Variants in CAMK1D observed in about 807,000 individuals in gnomAD.
CAMK1D encodes calcium/calmodulin-dependent protein kinase type 1D.
Under a neutral mutation model 47.7 loss-of-function variants are expected in CAMK1D, and 9 were observed. That is an observed-to-expected ratio of 0.19 (90% CI 0.11 to 0.33). The LOEUF (loss-of-function observed/expected upper bound fraction) is 0.33, where lower values mean the gene tolerates loss of function less well. CAMK1D is among the 10% of genes least tolerant of loss of function. The probability of loss-of-function intolerance (pLI) is 1.00; values close to 1 mark genes in which losing one functional copy is unlikely to be tolerated. For missense variants in CAMK1D, 291 were observed against 488.7 expected (o/e 0.60, Z 3.81); for synonymous variants, 184 against 184.9 (o/e 0.99, Z 0.04).
At chr10:12,447,109 C>CT (rs1462861992) in intron 1 of CAMK1D, among the ~76,000 whole-genome samples, 2 of 151,992 alleles carry the variant, frequency 1.3e-5, no homozygotes, top group East Asian at 1.9e-4. Flanking sequence ...CTCTCTCTGT[C>CT]TTTTTTTACT....
intron 2 of CAMK1D, among the ~76,000 whole-genome samples, chr10:12,578,214 AC>A (rs1178664075): frequency 3.3e-5 from 5 of 152,030 alleles, no homozygotes; most frequent in Non-Finnish European, 5.9e-5. Context: ...AGCTGGGACT[AC>A]AGGCATGCAC....
At chr10:12,382,955 T>G (rs1838385402) in intron 1 of CAMK1D, among the ~76,000 whole-genome samples, 1 of 151,250 alleles carries the variant, frequency 6.6e-6, no homozygotes, top group South Asian at 2.1e-4. Flanking sequence ...TTTTTTTTTG[T>G]AGTTGGCACA....
chr10:12,439,263 C>T (rs904011997), intron 1 of CAMK1D, among the ~76,000 whole-genome samples: 2 of 152,208 alleles, frequency 1.3e-5, no homozygotes, highest in African/African-American at 4.8e-5. Flanking sequence ...CTGCATACGT[C>T]TCAGAGCCCT....
At chr10:12,790,952 T>C (rs1837951309) in intron 5 of CAMK1D, among the ~76,000 whole-genome samples, 1 of 152,096 alleles carries the variant, frequency 6.6e-6, no homozygotes, top group South Asian at 2.1e-4. Context: ...GCCATGATTG[T>C]GCCACTGTAC....
chr10:12,402,611 A>G (rs143502501), intron 1 of CAMK1D, among the ~76,000 whole-genome samples: 2 of 152,284 alleles, frequency 1.3e-5, no homozygotes, highest in East Asian at 3.9e-4. Context: ...GCTGTCGTTA[A>G]AAAGTCTTAA....
intron 1 of CAMK1D, among the ~76,000 whole-genome samples, chr10:12,489,808 G>A (rs537449339): frequency 1.3e-5 from 2 of 152,298 alleles, no homozygotes; most frequent in East Asian, 3.9e-4. Flanking sequence ...TTTGCCTGAG[G>A]TGGACTCTCT....
intron 1 of CAMK1D, among the ~76,000 whole-genome samples, chr10:12,359,083 C>T (rs1837589798): frequency 6.6e-6 from 1 of 152,156 alleles, no homozygotes; most frequent in African/African-American, 2.4e-5. Context: ...AGAACATAGG[C>T]TCGGAGGTTA....
At chr10:12,600,071 C>A (rs1838256581) in intron 2 of CAMK1D, among the ~76,000 whole-genome samples, 1 of 152,146 alleles carries the variant, frequency 6.6e-6, no homozygotes, top group South Asian at 2.1e-4. Context: ...TGCCACTGCA[C>A]TCCAGCCTTG....
chr10:12,706,034 A>AG (rs1833716307), intron 3 of CAMK1D, among the ~76,000 whole-genome samples: 1 of 152,190 alleles, frequency 6.6e-6, no homozygotes, highest in South Asian at 2.1e-4. Flanking sequence ...GCTTTATCTG[A>AG]GGGGGGTGTG....
At chr10:12,585,912 C>G (rs1837803264) in intron 2 of CAMK1D, among the ~76,000 whole-genome samples, 1 of 152,212 alleles carries the variant, frequency 6.6e-6, no homozygotes, top group Non-Finnish European at 1.5e-5. Flanking sequence ...CGTTCCTCTT[C>G]TCATTGGCTG....
chr10:12,741,011 A>T (rs1427871811), intron 3 of CAMK1D, among the ~76,000 whole-genome samples: 1 of 152,122 alleles, frequency 6.6e-6, no homozygotes, highest in Non-Finnish European at 1.5e-5. Flanking sequence ...AAGGAAGGGG[A>T]TTTTCCACAT....
intron 1 of CAMK1D, among the ~76,000 whole-genome samples, chr10:12,476,597 TATC>T (rs1833910072): frequency 1.3e-5 from 2 of 152,324 alleles, no homozygotes; most frequent in South Asian, 4.1e-4. Flanking sequence ...AAATTTCTCT[TATC>T]ATGTCGAGAT....
At chr10:12,360,679 C>G (rs77552969) in intron 1 of CAMK1D, among the ~76,000 whole-genome samples, 1 of 152,020 alleles carries the variant, frequency 6.6e-6, no homozygotes, top group Non-Finnish European at 1.5e-5. Flanking sequence ...AATTTCGTCC[C>G]GGGAGGCTCA....
chr10:12,769,547 A>G (rs960852452), intron 4 of CAMK1D, 126 bp from the exon 5 acceptor site: 4 of 1,013,408 alleles, frequency 3.9e-6, no homozygotes, highest in Non-Finnish European at 5.8e-6. Context: ...TAGTTGATGC[A>G]TCTACTGTGT....
chr10:12,401,070 A>G (rs1839168205), intron 1 of CAMK1D, among the ~76,000 whole-genome samples: 1 of 97,508 alleles, frequency 1.0e-5, no homozygotes, highest in South Asian at 2.6e-4. Context: ...TATATTTTAT[A>G]TATATAATAT....
rs113141680 is a variant in CAMK1D at position 12,620,864 on chromosome 10, C to T, written c.225-45872C>T. On this transcript the variant is annotated intron_variant, in intron 2 of 10. Transcript: ENST00000619168. ...TGTCTTGCCTTAGATCCTAAAGGTT[C>T]TCTCTTATTTTTTCCTGTAAGTTTT... 1.3e-3 allele frequency among the ~76,000 whole-genome samples: 197 copies of T among 152,282 alleles called. 1 individual carries two copies. The highest frequency in any genetic ancestry group is 4.5e-3 in the African/African-American group (189 of 41,556).
Position 12,420,445 on chromosome 10 carries a change from G to A in CAMK1D, c.92+70535G>A, listed in dbSNP as rs1192831399. 2.6e-5 allele frequency among the ~76,000 whole-genome samples: 4 copies of A among 152,176 alleles called. 1 individual carries two copies. In the South Asian group the frequency reaches 8.3e-4, roughly 32 times the overall value. ...TGTTTTGTTTTCATAACTCCAACAA[G>A]GCATTATTGGCAGTGGATTTTATGG... On this transcript the variant is annotated intron_variant, in intron 1 of 10. Transcript: ENST00000619168.
intron 10 of CAMK1D, 48 bp from the exon 11 acceptor site, chr10:12,828,721 A>T: frequency 7.0e-7 from 1 of 1,420,206 alleles, no homozygotes; most frequent in Non-Finnish European, 9.8e-7. Flanking sequence ...AAGCAGGGTG[A>T]GAATTTACCT....
chr10:12,761,370 C>G (rs984393048), intron 4 of CAMK1D, among the ~76,000 whole-genome samples: 3 of 152,122 alleles, frequency 2.0e-5, no homozygotes, highest in African/African-American at 7.2e-5. Context: ...TTGCTTCGAG[C>G]CTATCTAAGA....
Sources: allele counts gnomAD v4.1 joint callset (sites outside exome capture counted in the v4.1 genomes callset), GRCh38; gene constraint gnomAD v4.1.1; transcripts MANE v1.5; gene names NCBI Gene and HGNC (gene_info 2026-07-23, HGNC 2026-07-21).